The following KAZN variants were observed in gnomAD, a reference collection of about 807,000 sequenced individuals.
The protein encoded by KAZN is kazrin, periplakin interacting protein, also known as kazrin.
A neutral mutation model predicts 87.4 loss-of-function variants in KAZN; 40 were observed. The ratio of observed to expected loss-of-function variants is 0.46; its 90% CI spans 0.36 to 0.60. The LOEUF (loss-of-function observed/expected upper bound fraction) is 0.60. Ranked by LOEUF, KAZN falls within the 20% of genes least tolerant of loss-of-function variation. The pLI is 0.00. For synonymous variants in KAZN, 466 were observed against 458.3 expected (o/e 1.02, Z -0.22); for missense variants, 898 against 1,073.9 (o/e 0.84, Z 2.29).
At chr1:14,883,304 GAAAGAAAGAAAGAA>G (rs1557585805) in intron 1 of KAZN, among the ~76,000 whole-genome samples, 1 of 45,994 alleles carries the variant, frequency 2.2e-5, no homozygotes, top group Non-Finnish European at 4.8e-5. Flanking sequence ...TCAAAAGAAA[GAAAGAAAGAAAGAA>G]AGAGAGAGAG....
chr1:14,496,854 A>G (rs758809348), intron 2 of KAZN, among the ~76,000 whole-genome samples: 6 of 152,198 alleles, frequency 3.9e-5, no homozygotes, highest in Non-Finnish European at 8.8e-5. Context: ...AAAGAAAAAA[A>G]AAAAGCTGGA....
intron 1 of KAZN, among the ~76,000 whole-genome samples, chr1:14,718,148 G>A (rs1642900464): frequency 1.3e-5 from 2 of 152,206 alleles, no homozygotes; most frequent in Admixed American, 6.5e-5. Context: ...TCGCATTTTC[G>A]ATGTGCTTCA....
chr1:14,927,833 C>T (rs1350818273), intron 1 of KAZN, among the ~76,000 whole-genome samples: 2 of 152,026 alleles, frequency 1.3e-5, no homozygotes, highest in East Asian at 3.9e-4. Flanking sequence ...CACTTCTTGC[C>T]CCTCCCCTTT....
intron 1 of KAZN, among the ~76,000 whole-genome samples, chr1:14,708,552 G>C (rs927919650): frequency 6.6e-6 from 1 of 152,160 alleles, no homozygotes; most frequent in Non-Finnish European, 1.5e-5. Flanking sequence ...AATTGCATGA[G>C]GTTGACATCA....
chr1:14,414,407 A>C (rs570500431), intron 2 of KAZN, among the ~76,000 whole-genome samples: 1 of 152,254 alleles, frequency 6.6e-6, no homozygotes, highest in East Asian at 1.9e-4. Context: ...AGAATCCACT[A>C]ACCAAAAAAT....
At chr1:14,255,772 T>C (rs1384413868) in intron 2 of KAZN, among the ~76,000 whole-genome samples, 2 of 152,194 alleles carry the variant, frequency 1.3e-5, no homozygotes, top group Non-Finnish European at 2.9e-5. Context: ...GTAGTATCAT[T>C]ATGTCCATTT....
intron 1 of KAZN, among the ~76,000 whole-genome samples, chr1:14,893,794 C>T (rs1654978029): frequency 6.6e-6 from 1 of 152,146 alleles, no homozygotes; most frequent in Non-Finnish European, 1.5e-5. Flanking sequence ...AAGTCCCTTT[C>T]ACAAGGGAGG....
At chr1:14,831,544 T>C (rs1303558524) in intron 1 of KAZN, among the ~76,000 whole-genome samples, 1 of 147,966 alleles carries the variant, frequency 6.8e-6, no homozygotes, top group East Asian at 1.9e-4. Context: ...CAGCAGTTTC[T>C]CAGCGGCCTG....
chr1:14,084,784 A>G (rs984146014), intron 1 of KAZN, among the ~76,000 whole-genome samples: 3 of 151,770 alleles, frequency 2.0e-5, no homozygotes, highest in African/African-American at 7.3e-5. Flanking sequence ...ATGTTAAATG[A>G]CGAGTTAATG....
chr1:14,607,580 C>G (rs1209399491), intron 1 of KAZN, among the ~76,000 whole-genome samples: 3 of 152,222 alleles, frequency 2.0e-5, no homozygotes, highest in African/African-American at 7.2e-5. Flanking sequence ...AAAATATGCT[C>G]TGTCACTTCT....
intron 2 of KAZN, among the ~76,000 whole-genome samples, chr1:14,533,977 T>C (rs555678164): frequency 6.6e-6 from 1 of 152,328 alleles, no homozygotes; most frequent in East Asian, 1.9e-4. Context: ...AGATAGGCAC[T>C]CATAAAGTTT....
chr1:15,050,316 T>C (rs1328631670), intron 4 of KAZN, among the ~76,000 whole-genome samples: 1 of 152,196 alleles, frequency 6.6e-6, no homozygotes, highest in African/African-American at 2.4e-5. Context: ...AGCTCTGTGC[T>C]GAGGTTGCTC....
intron 2 of KAZN, among the ~76,000 whole-genome samples, chr1:14,246,368 C>A (rs1649515442): frequency 1.3e-5 from 2 of 152,112 alleles, no homozygotes; most frequent in Non-Finnish European, 2.9e-5. Context: ...TTATTTATTG[C>A]CATTTCATAG....
chr1:14,151,073 T>C (rs1179360432), intron 1 of KAZN, among the ~76,000 whole-genome samples: 1 of 152,056 alleles, frequency 6.6e-6, no homozygotes, highest in Non-Finnish European at 1.5e-5. Flanking sequence ...TGACTACTTA[T>C]TGAGGTCACA....
intron 2 of KAZN, among the ~76,000 whole-genome samples, chr1:14,251,000 C>T (rs1287928863): frequency 1.3e-5 from 2 of 151,996 alleles, no homozygotes; most frequent in Non-Finnish European, 2.9e-5. Flanking sequence ...AAAACAACAA[C>T]AACAAAAAAC....
At position 14,411,897 on chromosome 1, in the gene KAZN, T is replaced by C. The variant is rs950155282; in HGVS notation, c.250-187086T>C. Among the ~76,000 whole-genome samples the C allele has an allele frequency of 2.6e-5, 4 of 152,218 alleles. No individual in the cohort carries two copies. In the South Asian group the frequency reaches 8.3e-4, roughly 31 times the overall value. ...ATTCAGAAGCAGAGGTACTGATTAA[T>C]TTTAAATTGTATAAAGTAAAATAGA... is the stretch of plus-strand genomic sequence containing the variant. On this transcript the variant is annotated intron_variant, in intron 2 of 16. Transcript: ENST00000636203.
At chr1:14,859,791 C>T (rs1650613295) in intron 1 of KAZN, among the ~76,000 whole-genome samples, 2 of 152,208 alleles carry the variant, frequency 1.3e-5, no homozygotes, top group Admixed American at 1.3e-4. Context: ...ATTCCGACTG[C>T]TTCTCCTCCT....
chr1:14,652,569 C>T (rs1638490705), intron 1 of KAZN, among the ~76,000 whole-genome samples: 1 of 5,176 alleles, frequency 1.9e-4, no homozygotes, highest in African/African-American at 7.9e-4. Context: ...ATCCACCCAC[C>T]CACTCATCCA....
At chr1:14,002,132 A>G (rs552884066) in intron 1 of KAZN, among the ~76,000 whole-genome samples, 1 of 152,374 alleles carries the variant, frequency 6.6e-6, no homozygotes, top group Admixed American at 6.5e-5. Flanking sequence ...CAGAATATAC[A>G]AGGAACTTAA....
Sources: gnomAD v4.1 joint callset for allele counts (sites outside exome capture counted in the v4.1 genomes callset) on GRCh38, gnomAD v4.1.1 for gene constraint, MANE v1.5 for transcripts, NCBI Gene and HGNC (gene_info 2026-07-23, HGNC 2026-07-21) for gene names.